Variants in LINGO2 observed in about 807,000 individuals in gnomAD.
LINGO2 encodes the protein leucine-rich repeat and immunoglobulin-like domain-containing nogo receptor-interacting protein 2.
Under a neutral mutation model 30.6 loss-of-function variants are expected in LINGO2, and 14 were observed. The ratio of observed to expected loss-of-function variants is 0.46; its 90% CI spans 0.30 to 0.72. LINGO2 has a LOEUF of 0.72. Among genes scored for constraint, LINGO2 ranks in the 30% least tolerant of loss-of-function variants. The probability of loss-of-function intolerance (pLI) is 0.07; values close to 1 mark genes in which losing one functional copy is unlikely to be tolerated. For synonymous variants in LINGO2, 317 were observed against 288.5 expected (o/e 1.10, Z -1.00); for missense variants, 729 against 751.7 (o/e 0.97, Z 0.35).
rs559400974 is a variant in LINGO2, at chr9:28,078,658, C to A, written c.-86-66253G>T. 7.8e-4 allele frequency among the ~76,000 whole-genome samples: 116 copies of A among 148,128 alleles called. 16 individuals are homozygous for A. The highest frequency in any genetic ancestry group is 2.9e-3 in the African/African-American group (111 of 37,728). The stretch of plus-strand genomic sequence containing the variant: ...CTGAGGTCAGGAGTTTGAGACCAGC[C>A]TAACATGGAGAAACGCCGTCTCTAT... On this transcript the variant is annotated intron_variant, in intron 4 of 5. Transcript: ENST00000379992.
chr9:28,045,218 C>T (rs146895032), intron 4 of LINGO2, among the ~76,000 whole-genome samples: 3 of 152,070 alleles, frequency 2.0e-5, no homozygotes, highest in Non-Finnish European at 4.4e-5. Context: ...TGTAAAGAAA[C>T]AGATGGAAAA....
chr9:29,102,102 G>C, the LINGO2 span, among the ~76,000 whole-genome samples: 1 of 147,668 alleles, frequency 6.8e-6, no homozygotes, highest in Admixed American at 6.7e-5. Context: ...TTTTTTTCGA[G>C]ACCCAGTCTC....
chr9:28,108,055 A>G (rs1253741495), intron 4 of LINGO2, among the ~76,000 whole-genome samples: 3 of 152,128 alleles, frequency 2.0e-5, no homozygotes, highest in Admixed American at 2.0e-4. Flanking sequence ...ACACAAATGG[A>G]AGCAAAAAGC....
At chr9:29,085,311 A>AAAAAAAT in the LINGO2 span, among the ~76,000 whole-genome samples, 3 of 130,220 alleles carry the variant, frequency 2.3e-5, no homozygotes, top group African/African-American at 9.0e-5. Context: ...AAAAAAAAAA[A>AAAAAAAT]GAATAAATTA....
the LINGO2 span, among the ~76,000 whole-genome samples, chr9:28,779,648 T>C: frequency 2.6e-5 from 4 of 152,182 alleles, no homozygotes; most frequent in Non-Finnish European, 5.9e-5. Flanking sequence ...TCAAAGTCAA[T>C]TGTATGAATC....
At chr9:28,141,506 G>T (rs1025731313) in intron 4 of LINGO2, among the ~76,000 whole-genome samples, 1 of 152,164 alleles carries the variant, frequency 6.6e-6, no homozygotes, top group Non-Finnish European at 1.5e-5. Flanking sequence ...TAATTTAAGG[G>T]ATTCAAGAAT....
chr9:28,952,438 C>T, the LINGO2 span, among the ~76,000 whole-genome samples: 1 of 152,144 alleles, frequency 6.6e-6, no homozygotes, highest in African/African-American at 2.4e-5. Flanking sequence ...TCTATACATA[C>T]TCTCTTTGCA....
chr9:28,944,413 G>A, the LINGO2 span, among the ~76,000 whole-genome samples: 1 of 152,068 alleles, frequency 6.6e-6, no homozygotes, highest in Admixed American at 6.5e-5. Flanking sequence ...GTTTTTGTTT[G>A]TTTGTTTTGG....
At position 28,148,516 on chromosome 9, in the gene LINGO2, C is replaced by T. The variant is rs189409438; in HGVS notation, c.-86-136111G>A. ...AGGGGCAGGAGGACAATAAAAGGGG[C>T]CCCTGTAGCAATGGGGAAGCAGCTT... On this transcript the variant is annotated intron_variant, in intron 4 of 5. Coordinates refer to ENST00000379992, the Ensembl canonical transcript of LINGO2. This position sits in a 1 kb window ranked among gnomAD's most constrained non-coding sequence, Gnocchi z 5.1. 6.4e-4 allele frequency: 944 copies of T among 1,473,024 alleles called. 1 individual carries two copies. Among genetic ancestry groups the T allele is most frequent in the Non-Finnish European group, 8.0e-4 (876 of 1,090,984 alleles). The allele number at this position is 1,473,024 out of a possible 1,614,324, so 91.2% of individuals were successfully genotyped here. A position where few individuals can be genotyped will look rare whatever the true frequency, so the allele number is the denominator to read the frequency against.
the LINGO2 span, among the ~76,000 whole-genome samples, chr9:28,791,656 A>G: frequency 6.6e-6 from 1 of 151,970 alleles, no homozygotes; most frequent in Non-Finnish European, 1.5e-5. Flanking sequence ...GCTGAAATAA[A>G]AAAGTACTCT....
At chr9:28,743,107 G>A in the LINGO2 span, among the ~76,000 whole-genome samples, 3 of 152,014 alleles carry the variant, frequency 2.0e-5, no homozygotes, top group East Asian at 5.8e-4. Context: ...AGGCAAGTCT[G>A]CTAGCAATGG....
At chr9:28,124,262 C>A (rs890584303) in intron 4 of LINGO2, among the ~76,000 whole-genome samples, 11 of 152,128 alleles carry the variant, frequency 7.2e-5, no homozygotes. Context: ...TACCTTATTT[C>A]GTTAAGAAGA....
chr9:28,923,468 AT>A, the LINGO2 span, among the ~76,000 whole-genome samples: 2 of 152,174 alleles, frequency 1.3e-5, no homozygotes, highest in Non-Finnish European at 2.9e-5. Flanking sequence ...AGAGGAAAAA[AT>A]CTTTTAGCCC....
At chr9:28,468,462 A>G (rs1825396182) in intron 2 of LINGO2, among the ~76,000 whole-genome samples, 1 of 152,124 alleles carries the variant, frequency 6.6e-6, no homozygotes, top group East Asian at 1.9e-4. Context: ...TGCAGGAGAG[A>G]GGGGAAGTTG....
chr9:28,367,417 G>C (rs1820720133), intron 3 of LINGO2, among the ~76,000 whole-genome samples: 1 of 152,062 alleles, frequency 6.6e-6, no homozygotes, highest in African/African-American at 2.4e-5. Context: ...TGAACTGGCT[G>C]TTCTCTAGAG....
intron 5 of LINGO2, among the ~76,000 whole-genome samples, chr9:27,986,375 A>G (rs1330797099): frequency 6.6e-6 from 1 of 151,794 alleles, no homozygotes; most frequent in Non-Finnish European, 1.5e-5. Context: ...TGAAATTAGC[A>G]CCTGTGACCC....
intron 3 of LINGO2, among the ~76,000 whole-genome samples, chr9:28,328,534 A>AT (rs895527493): frequency 6.7e-6 from 1 of 148,378 alleles, no homozygotes; most frequent in Non-Finnish European, 1.5e-5. Context: ...TTTTAGAAAG[A>AT]TTTTTTAAAA....
intron 3 of LINGO2, among the ~76,000 whole-genome samples, chr9:28,340,951 C>T (rs886456764): frequency 2.6e-5 from 4 of 152,012 alleles, no homozygotes. Flanking sequence ...ATCTTTTCCC[C>T]ATTCTCTTTA....
chr9:28,648,707 T>A (rs1827954892), intron 1 of LINGO2, among the ~76,000 whole-genome samples: 1 of 152,122 alleles, frequency 6.6e-6, no homozygotes, highest in Admixed American at 6.6e-5. Context: ...GTCTTAGTAC[T>A]CTTAGTCTAA....
Sources: gnomAD v4.1 joint callset for allele counts (sites outside exome capture counted in the v4.1 genomes callset) on GRCh38, gnomAD v4.1.1 for gene constraint, Gnocchi (gnomAD v3.1) non-coding constraint, MANE v1.5 for transcripts, NCBI Gene and HGNC (gene_info 2026-07-23, HGNC 2026-07-21) for gene names.